The following CACNG7 variants were observed in gnomAD, a reference collection of about 807,000 sequenced individuals.
The protein encoded by CACNG7 is calcium voltage-gated channel auxiliary subunit gamma 7, also known as voltage-dependent calcium channel gamma-7 subunit.
CACNG7 carries 9 observed loss-of-function variants against 26.3 expected under a neutral mutation model. The ratio of observed to expected loss-of-function variants is 0.34; its 90% CI spans 0.21 to 0.60. The LOEUF is 0.60. Ranked by LOEUF, CACNG7 falls within the 20% of genes least tolerant of loss-of-function variation. The pLI is 0.81. For missense variants in CACNG7, 297 were observed against 380.4 expected (o/e 0.78, Z 1.82); for synonymous variants, 170 against 157.0 (o/e 1.08, Z -0.62).
At chr19:53,925,683 C>G (rs868028913) in intron 4 of CACNG7, among the ~76,000 whole-genome samples, 4 of 152,194 alleles carry the variant, frequency 2.6e-5, no homozygotes, top group African/African-American at 9.7e-5. Context: ...AGGAGGATTA[C>G]GGTCACAGCT....
At chr19:53,918,306 C>T (rs967784775) in intron 4 of CACNG7, among the ~76,000 whole-genome samples, 5 of 152,160 alleles carry the variant, frequency 3.3e-5, no homozygotes, top group Admixed American at 1.3e-4. Flanking sequence ...ATAGGTTCTC[C>T]GATGCAACTA....
rs373096763 is a variant in CACNG7 at position 53,920,054 on chromosome 19, C to G, written c.424+4549C>G. ...TTGCCCCAGGCTGGTCATTGGTGGA[C>G]TTGCCCCAGGCTGGTCATTGGTGGA... On this transcript the variant is annotated intron_variant, in intron 4 of 5. Transcript: ENST00000391767. Among the ~76,000 whole-genome samples, 593 of 96,874 alleles carry G rather than the reference C, an allele frequency of 6.1e-3. 14 individuals carry two copies. Among genetic ancestry groups the G allele is most frequent in the African/African-American group, 0.017 (323 of 19,156 alleles). The allele number at this position is 96,874 out of a possible 152,430, so 63.6% of individuals were successfully genotyped here. A position where few individuals can be genotyped will look rare whatever the true frequency, so the allele number is the denominator to read the frequency against.
In CACNG7 at chr19:53,942,451, C is replaced by T; in HGVS notation, c.*158C>T. 1 of 1,477,332 alleles carries T rather than the reference C, an allele frequency of 6.8e-7. No homozygotes were observed. The highest frequency in any genetic ancestry group is 8.9e-7 in the Non-Finnish European group (1 of 1,120,786). 91.5% of individuals were successfully genotyped at this position (1,477,332 alleles called of 1,614,324 possible). ...CCGCCCTCCTCCCAATGGCTCCGCC[C>T]ACAGACTCCCTTATTTCAATGGCCG... On this transcript the variant is annotated 3_prime_UTR_variant, in exon 6 of 6. Transcript: ENST00000391767. The surrounding 1 kb of genome is among the most constrained non-coding windows in gnomAD (Gnocchi z 5.9).
intron 4 of CACNG7, among the ~76,000 whole-genome samples, chr19:53,925,615 G>T (rs2069024086): frequency 6.8e-6 from 1 of 146,976 alleles, no homozygotes; most frequent in Non-Finnish European, 1.5e-5. Flanking sequence ...GTTGCCCCAG[G>T]TCTGGTATTG....
rs888633168 is a variant in CACNG7, at chr19:53,940,613, G to A, written c.425-857G>A. On this transcript the variant is annotated intron_variant, in intron 4 of 5. Transcript: ENST00000391767. This position sits in a 1 kb window ranked among gnomAD's most constrained non-coding sequence, Gnocchi z 4.1. ...GGGCCCGGCATTCGAGGCTCACCAT[G>A]GCTATACCTTCCCCTTTCTCTAACC... 4.6e-5 allele frequency among the ~76,000 whole-genome samples: 7 copies of A among 152,144 alleles called. No homozygotes were observed. Among genetic ancestry groups the A allele is most frequent in the East Asian group, 3.9e-4 (2 of 5,166 alleles).
chr19:53,922,145 T>C (rs2068963333), intron 4 of CACNG7, among the ~76,000 whole-genome samples: 1 of 120,638 alleles, frequency 8.3e-6, no homozygotes. Context: ...TTGGTGGAGT[T>C]GTCCCCAGGT....
chr19:53,916,555 C>T (rs1051016948), intron 4 of CACNG7, among the ~76,000 whole-genome samples: 1 of 139,148 alleles, frequency 7.2e-6, no homozygotes, highest in Non-Finnish European at 1.5e-5. Flanking sequence ...ATGGCACGAT[C>T]TCAGCTCACC....
intron 4 of CACNG7, among the ~76,000 whole-genome samples, chr19:53,917,974 G>A (rs1351760524): frequency 2.0e-5 from 3 of 152,190 alleles, no homozygotes; most frequent in South Asian, 2.1e-4. Context: ...TGGAAGTCAC[G>A]TCTCTAGGGT....
intron 4 of CACNG7, among the ~76,000 whole-genome samples, chr19:53,936,280 G>A (rs185082642): frequency 0.018 from 2,778 of 151,470 alleles, 82 homozygotes; most frequent in African/African-American, 0.064. Context: ...CGTGGTGTAG[G>A]TCTGCCCTGT....
Position 53,940,000 on chromosome 19 carries a change from C to T in CACNG7, c.425-1470C>T, listed in dbSNP as rs373509124. 4.6e-5 allele frequency among the ~76,000 whole-genome samples: 7 copies of T among 152,128 alleles called. No homozygotes were observed. In the East Asian group the frequency reaches 7.7e-4, roughly 17 times the overall value. ...GTTTCGTCCATGGACCATGGTTTGC[C>T]GACCACCGGTGTAGACAGTGGAAGG... On this transcript the variant is annotated intron_variant, in intron 4 of 5. Transcript: ENST00000391767. The surrounding 1 kb of genome is among the most constrained non-coding windows in gnomAD (Gnocchi z 4.2).
intron 4 of CACNG7, among the ~76,000 whole-genome samples, chr19:53,923,664 C>A (rs2068988712): frequency 7.0e-6 from 1 of 142,222 alleles, no homozygotes; most frequent in Non-Finnish European, 1.5e-5. Flanking sequence ...TGCCCCAGGT[C>A]TGGTCATTGG....
In CACNG7 at chr19:53,943,607, AG is replaced by A. The variant is rs1254105851; in HGVS notation, c.*1320del. On this transcript the variant is annotated 3_prime_UTR_variant, in exon 6 of 6. Coordinates refer to ENST00000391767, the MANE Select transcript of CACNG7 (RefSeq NM_031896.5). ...AGCGATTTTTAACGAGGCTGGGGGGAGGGGGGCACTGGGGTGGGGACAGGGT... is the reference window on the plus strand; with the variant it reads ...AGCGATTTTTAACGAGGCTGGGGGGAGGGGGCACTGGGGTGGGGACAGGGT... The A allele has an allele frequency of 2.9e-4, 2 of 6,804 alleles. No individual in the cohort carries two copies. Among genetic ancestry groups the A allele is most frequent in the African/African-American group, 1.3e-3 (2 of 1,506 alleles). The allele number at this position is 6,804 out of a possible 1,614,324, so 0.4% of individuals were successfully genotyped here.
At position 53,943,924 on chromosome 19, in the gene CACNG7, A is replaced by G. The variant is rs1258855603; in HGVS notation, c.*1631A>G. The G allele has an allele frequency of 6.6e-6, 1 of 152,142 alleles. No homozygotes were observed. The highest frequency in any genetic ancestry group is 2.4e-5 in the African/African-American group (1 of 41,424). 9.4% of individuals were successfully genotyped at this position (152,142 alleles called of 1,614,324 possible). A position where few individuals can be genotyped will look rare whatever the true frequency, so the allele number is the denominator to read the frequency against. On this transcript the variant is annotated 3_prime_UTR_variant, in exon 6 of 6. Transcript: ENST00000391767. The stretch of plus-strand genomic sequence containing the variant: ...GTAAATGATACTGGTCAGGATCAAT[A>G]AACGCTTTCTCCTGGTATTATTATG...
At chr19:53,929,924 G>A (rs903612157) in intron 4 of CACNG7, among the ~76,000 whole-genome samples, 1 of 152,114 alleles carries the variant, frequency 6.6e-6, no homozygotes, top group Non-Finnish European at 1.5e-5. Flanking sequence ...TCCATTCAAA[G>A]AGAATTGACT....
intron 4 of CACNG7, among the ~76,000 whole-genome samples, chr19:53,935,927 C>T (rs1324913846): frequency 3.3e-5 from 5 of 152,162 alleles, no homozygotes; most frequent in Non-Finnish European, 2.9e-5. Context: ...AGGCGTGAAC[C>T]ACCACGCCTG....
chr19:53,926,098 G>A (rs1235595173), intron 4 of CACNG7, among the ~76,000 whole-genome samples: 2 of 152,168 alleles, frequency 1.3e-5, no homozygotes, highest in Non-Finnish European at 2.9e-5. Flanking sequence ...TAAATCTCAT[G>A]TGTAGCCCAT....
rs1467114164 is a variant in CACNG7 at position 53,909,349 on chromosome 19, T to TG, written c.-192dup. 1.9e-5 allele frequency: 2 copies of TG among 105,422 alleles called. No individual in the cohort carries two copies. The highest frequency in any genetic ancestry group is 8.2e-5 in the Admixed American group (1 of 12,144). The allele number at this position is 105,422 out of a possible 1,614,324, so 6.5% of individuals were successfully genotyped here. On this transcript the variant is annotated 5_prime_UTR_variant, in exon 1 of 6. Transcript: ENST00000391767. This position sits in a 1 kb window ranked among gnomAD's most constrained non-coding sequence, Gnocchi z 5.1. ...CGAGTGAGGCCGCGGCCGCGGGGGG[T>TG]GGGGGGTGGGAGGCCGGGAGGGGGC... is the stretch of plus-strand genomic sequence containing the variant.
In CACNG7 at chr19:53,942,343, G is replaced by A. The variant is rs1427528128; in HGVS notation, c.*50G>A. 6.4e-7 allele frequency: 1 copy of A among 1,563,368 alleles called. No homozygotes were observed. Among genetic ancestry groups the A allele is most frequent in the Non-Finnish European group, 8.7e-7 (1 of 1,155,740 alleles). ...GCCTCCTCCTCCTCCTCGTCTTAGG[G>A]GGGTCTCCCTGCAATGCAGCGCCCC... On this transcript the variant is annotated 3_prime_UTR_variant, in exon 6 of 6. Coordinates refer to ENST00000391767, the MANE Select transcript of CACNG7 (RefSeq NM_031896.5). The surrounding 1 kb of genome is among the most constrained non-coding windows in gnomAD (Gnocchi z 5.9).
At chr19:53,923,979 G>A (rs1470010843) in intron 4 of CACNG7, among the ~76,000 whole-genome samples, 1 of 86,854 alleles carries the variant, frequency 1.2e-5, no homozygotes, top group African/African-American at 5.0e-5. Context: ...TGGTGGAGTT[G>A]TCCCCAGGCC....
Sources: gnomAD v4.1 joint callset for allele counts (sites outside exome capture counted in the v4.1 genomes callset) on GRCh38, gnomAD v4.1.1 for gene constraint, Gnocchi (gnomAD v3.1) non-coding constraint, MANE v1.5 for transcripts, NCBI Gene and HGNC (gene_info 2026-07-23, HGNC 2026-07-21) for gene names.